Variants in KRR1 observed in about 807,000 individuals in gnomAD.
KRR1 encodes KRR1 small subunit processome component.
Under a neutral mutation model 50.0 loss-of-function variants are expected in KRR1, and 23 were observed. The ratio of observed to expected loss-of-function variants is 0.46; its 90% CI spans 0.33 to 0.65. The LOEUF is 0.65. Among genes scored for constraint, KRR1 ranks in the 30% least tolerant of loss-of-function variants. The pLI is 0.02. For synonymous variants in KRR1, 133 were observed against 146.3 expected (o/e 0.91, Z 0.66); for missense variants, 419 against 442.4 (o/e 0.95, Z 0.47).
rs562776895 is a variant in KRR1 at position 75,502,019 on chromosome 12, A to C, written c.832-19T>G. 7.7e-5 allele frequency: 122 copies of C among 1,588,040 alleles called. 1 individual carries two copies. In the South Asian group the frequency reaches 7.9e-4, roughly 10 times the overall value. On this transcript the variant is annotated intron_variant, in intron 7 of 9. Transcript: ENST00000229214. The stretch of plus-strand genomic sequence containing the variant: ...TATCGATCTGTTGAAAACGGTATTT[A>C]CAATTACATCAGAAATAATGTAGAG...
At position 75,493,809 on chromosome 12, in the gene KRR1, C is replaced by G. The variant is rs1188049382; in HGVS notation, c.*6000G>C. Reference sequence around the variant, plus strand: ...AGACAAATCCAGGCCTTTCCAGTAGCATGTTTCTCCCAAGATGAATACTAC... The same window carrying G: ...AGACAAATCCAGGCCTTTCCAGTAGGATGTTTCTCCCAAGATGAATACTAC... On this transcript the variant is annotated 3_prime_UTR_variant, in exon 10 of 10. Transcript: ENST00000229214. 1 of 152,186 alleles carries G rather than the reference C, an allele frequency of 6.6e-6. No individual in the cohort carries two copies. Among genetic ancestry groups the G allele is most frequent in the Non-Finnish European group, 1.5e-5 (1 of 68,054 alleles). 9.4% of individuals were successfully genotyped at this position (152,186 alleles called of 1,614,324 possible).
chr12:75,495,709 T>A lies in KRR1; in HGVS notation c.*4100A>T. The A allele has an allele frequency of 9.5e-7, 1 of 1,053,442 alleles. No homozygotes were observed. Among genetic ancestry groups the A allele is most frequent in the African/African-American group, 1.6e-5 (1 of 64,042 alleles). The allele number at this position is 1,053,442 out of a possible 1,614,324, so 65.3% of individuals were successfully genotyped here. A position where few individuals can be genotyped will look rare whatever the true frequency, so the allele number is the denominator to read the frequency against. ...CCAATAGAATAACATAATAGTAACA[T>A]GTAACTTTCTACAGAATTAACAATG... is the stretch of plus-strand genomic sequence containing the variant. On this transcript the variant is annotated 3_prime_UTR_variant, in exon 10 of 10. Transcript: ENST00000229214.
At position 75,498,510 on chromosome 12, in the gene KRR1, A is replaced by G; in HGVS notation, c.*1299T>C. ...GTTTATAAAGTTTATGTAAAAAGTC[A>G]ACTTAAAAATACCAAGTTAATTCAG... On this transcript the variant is annotated 3_prime_UTR_variant, in exon 10 of 10. Coordinates refer to ENST00000229214, the MANE Select transcript of KRR1 (RefSeq NM_007043.7). 1 of 533,686 alleles carries G rather than the reference A, an allele frequency of 1.9e-6. No individual in the cohort carries two copies. Among genetic ancestry groups the G allele is most frequent in the Non-Finnish European group, 3.3e-6 (1 of 303,274 alleles). 33.1% of individuals were successfully genotyped at this position (533,686 alleles called of 1,614,324 possible).
At chr12:75,510,365 T>C (rs1445970181) in intron 1 of KRR1, among the ~76,000 whole-genome samples, 2 of 152,136 alleles carry the variant, frequency 1.3e-5, no homozygotes, top group Admixed American at 6.6e-5. Flanking sequence ...TTGCAAGCAA[T>C]TGGGAACAAT....
At chr12:75,508,601 T>C (rs1417407995) in intron 1 of KRR1, among the ~76,000 whole-genome samples, 155 bp from the exon 2 acceptor site, 1 of 152,250 alleles carries the variant, frequency 6.6e-6, no homozygotes, top group East Asian at 1.9e-4. Context: ...CTGCTTTTTA[T>C]ATTATTCAAG....
Position 75,499,934 on chromosome 12 carries a change from T to A in KRR1, c.1021A>T (p.Ile341Phe), listed in dbSNP as rs753590345. The A allele has an allele frequency of 3.1e-6, 5 of 1,601,602 alleles. No individual in the cohort carries two copies. In the South Asian group the frequency reaches 4.5e-5, roughly 15 times the overall value. Residue 341 changes from isoleucine (I) to phenylalanine (F), a missense_variant, in exon 10 of 10, where the codon ATT becomes TTT. Coordinates refer to ENST00000229214, the MANE Select transcript of KRR1 (RefSeq NM_007043.7). The part of the protein sequence containing the change: ...KPKEASTETK[I>F]DVASIKEKVK... Reference sequence around the variant, plus strand: ...TTTTCCTTGATGCTGGCCACATCAATTTTAGTTTCAGTAGAAGCTAGACAA... The same window carrying A: ...TTTTCCTTGATGCTGGCCACATCAAATTTAGTTTCAGTAGAAGCTAGACAA...
At chr12:75,501,663 A>C (rs967501021) in intron 9 of KRR1, 60 bp downstream of exon 9, 28 of 1,127,858 alleles carry the variant, frequency 2.5e-5, no homozygotes, top group Non-Finnish European at 3.4e-5. Flanking sequence ...ATTCAGACAA[A>C]TTTATTATGG....
Position 75,498,003 on chromosome 12 carries a change from A to G in KRR1, c.*1806T>C, listed in dbSNP as rs1428769677. On this transcript the variant is annotated 3_prime_UTR_variant, in exon 10 of 10. Transcript: ENST00000229214. The stretch of plus-strand genomic sequence containing the variant: ...TTCACCACAAAGCCCACTCACAGGT[A>G]TGAAGACCAGGGATGCTCACCAGTA... 1 of 152,266 alleles carries G rather than the reference A, an allele frequency of 6.6e-6. No homozygotes were observed. The highest frequency in any genetic ancestry group is 1.5e-5 in the Non-Finnish European group (1 of 68,064). The allele number at this position is 152,266 out of a possible 1,614,324, so 9.4% of individuals were successfully genotyped here. A position where few individuals can be genotyped will look rare whatever the true frequency, so the allele number is the denominator to read the frequency against.
intron 5 of KRR1, chr12:75,506,015 A>G (rs1466013434): frequency 4.8e-6 from 1 of 209,726 alleles, no homozygotes. Flanking sequence ...TACCATGTTC[A>G]TACATGCTAC....
chr12:75,499,695 CACCAA>C lies in KRR1; in HGVS notation c.*109_*113del. Reference sequence around the variant, plus strand: ...ACACTCTTCTATGAACAACCACCACCACCAAAAAAAAAAAAAGCCCTCAGAAAATT... The same window carrying C: ...ACACTCTTCTATGAACAACCACCACCAAAAAAAAAAAGCCCTCAGAAAATT... On this transcript the variant is annotated 3_prime_UTR_variant, in exon 10 of 10. Coordinates refer to ENST00000229214, the MANE Select transcript of KRR1 (RefSeq NM_007043.7). The C allele has an allele frequency of 1.1e-5, 7 of 615,296 alleles. No individual in the cohort carries two copies. Among genetic ancestry groups the C allele is most frequent in the South Asian group, 2.8e-5 (1 of 35,908 alleles). 38.1% of individuals were successfully genotyped at this position (615,296 alleles called of 1,614,324 possible).
intron 2 of KRR1, 41 bp from the exon 3 acceptor site, chr12:75,506,957 A>C (rs780000476): frequency 2.0e-5 from 30 of 1,537,908 alleles, no homozygotes; most frequent in Non-Finnish European, 2.6e-5. Context: ...TCTAAAAATG[A>C]GTTTTTTTAG....
intron 4 of KRR1, 30 bp downstream of exon 4, chr12:75,506,454 G>A (rs772093597): frequency 6.2e-7 from 1 of 1,604,730 alleles, no homozygotes; most frequent in Non-Finnish European, 8.5e-7. Flanking sequence ...TTAAGGAAGA[G>A]ACTCAAGTTT....
intron 7 of KRR1, chr12:75,502,771 A>G (rs2046403646): frequency 6.6e-6 from 1 of 152,034 alleles, no homozygotes; most frequent in East Asian, 1.9e-4. Flanking sequence ...AGAAGCTTAC[A>G]CAGCTACAGA....
intron 1 of KRR1, 82 bp downstream of exon 1, chr12:75,511,431 A>G: frequency 2.4e-6 from 3 of 1,266,662 alleles, no homozygotes; most frequent in Non-Finnish European, 3.5e-6. Flanking sequence ...AGGTGGTTTT[A>G]TAAGTCCACG....
chr12:75,507,300 G>T (rs1228727021), intron 2 of KRR1, among the ~76,000 whole-genome samples: 2 of 152,122 alleles, frequency 1.3e-5, no homozygotes, highest in Admixed American at 6.6e-5. Flanking sequence ...GCTCCATTGG[G>T]TAAGAATTGA....
Position 75,506,372 on chromosome 12 carries a change from T to C in KRR1, c.547A>G (p.Ile183Val), listed in dbSNP as rs200385352. Residue 183 changes from isoleucine (I) to valine (V), a missense_variant, in exon 5 of 10, where the codon ATT becomes GTT. Coordinates refer to ENST00000229214, the MANE Select transcript of KRR1 (RefSeq NM_007043.7). ...GAAACTGTGTTTCCCTGAACCATAA[T>C]GTAACAATTAGTTAAGAGTTCCAAT... is the stretch of plus-strand genomic sequence containing the variant. ...KALELLTNCYIMVQGNTVSAI... is the reference protein window; with the variant it reads ...KALELLTNCYVMVQGNTVSAI... 1.2e-5 allele frequency: 19 copies of C among 1,612,256 alleles called. No homozygotes were observed. The highest frequency in any genetic ancestry group is 6.7e-5 in the African/African-American group (5 of 74,828).
Position 75,492,787 on chromosome 12 carries a change from G to A in KRR1, c.*7022C>T, listed in dbSNP as rs1209345607. 3.3e-5 allele frequency: 5 copies of A among 152,158 alleles called. No individual in the cohort carries two copies. Among genetic ancestry groups the A allele is most frequent in the African/African-American group, 4.8e-5 (2 of 41,412 alleles). 9.4% of individuals were successfully genotyped at this position (152,158 alleles called of 1,614,324 possible). A position where few individuals can be genotyped will look rare whatever the true frequency, so the allele number is the denominator to read the frequency against. On this transcript the variant is annotated 3_prime_UTR_variant, in exon 10 of 10. Coordinates refer to ENST00000229214, the MANE Select transcript of KRR1 (RefSeq NM_007043.7). The stretch of plus-strand genomic sequence containing the variant: ...AGAACAGGGCAGTCTCTGTCTTTAT[G>A]AGAGTAATATTTATGGGGCAAACAG...
intron 6 of KRR1, 77 bp downstream of exon 6, chr12:75,505,121 T>C (rs941540964): frequency 2.3e-4 from 314 of 1,371,128 alleles, no homozygotes; most frequent in Non-Finnish European, 1.4e-4. Context: ...TCATAAAACA[T>C]TTAATTTCAA....
intron 1 of KRR1, among the ~76,000 whole-genome samples, chr12:75,509,827 A>G (rs2046438785): frequency 6.6e-6 from 1 of 150,872 alleles, no homozygotes; most frequent in African/African-American, 2.4e-5. Flanking sequence ...GGGCTCAAGC[A>G]ATCCCCCCTC....
Sources: gnomAD v4.1 joint callset for allele counts (sites outside exome capture counted in the v4.1 genomes callset) on GRCh38, gnomAD v4.1.1 for gene constraint, MANE v1.5 for transcripts, NCBI Gene and HGNC (gene_info 2026-07-23, HGNC 2026-07-21) for gene names.